The following PKD1L1 variants were observed in gnomAD, a reference collection of about 807,000 sequenced individuals.
The protein encoded by PKD1L1 is polycystin-1-like protein 1.
Under a neutral mutation model 323.4 loss-of-function variants are expected in PKD1L1, and 236 were observed. The ratio of observed to expected loss-of-function variants is 0.73; its 90% CI spans 0.66 to 0.81. The LOEUF (loss-of-function observed/expected upper bound fraction) is 0.81, where lower values mean the gene tolerates loss of function less well. Ranked by LOEUF, PKD1L1 falls within the 40% of genes least tolerant of loss-of-function variation. The pLI is 0.00. For synonymous variants in PKD1L1, 1,344 were observed against 1,335.0 expected, an observed-to-expected ratio of 1.01 and a Z score of -0.15; for missense variants, 3,320 against 3,508.0, an observed-to-expected ratio of 0.95 and a Z score of 1.35.
chr7:47,815,180 T>C (rs1784988753), intron 47 of PKD1L1, among the ~76,000 whole-genome samples, 154 bp downstream of exon 47: 1 of 152,208 alleles, frequency 6.6e-6, no homozygotes, highest in African/African-American at 2.4e-5. Flanking sequence ...AACAGGATGC[T>C]CTGCTGGGAC....
At chr7:47,790,376 C>T (rs1386956409) in intron 56 of PKD1L1, among the ~76,000 whole-genome samples, 1 of 150,562 alleles carries the variant, frequency 6.6e-6, no homozygotes, top group Non-Finnish European at 1.5e-5. Flanking sequence ...GTCACCCAGG[C>T]TGGAGGTGCA....
Position 47,881,925 on chromosome 7 carries a change from T to G in PKD1L1, c.3426A>C (p.Gln1142His). ...PKALLGRAVF[Q>H]GYSSSGITEQ... ...CATTCATACCTGAGGATGAATAGCC[T>G]TGGAAAACTGCTCGACCCAGCAGGG... The change falls in exon 20 of 57, where the codon CAA (glutamine) becomes CAC (histidine). Residue 1142 changes from glutamine to histidine, a missense_variant. Physicochemically the swap from Gln to His is conservative, Grantham distance 24. Coordinates refer to ENST00000289672, the MANE Select transcript of PKD1L1 (RefSeq NM_138295.5). The G allele has an allele frequency of 6.2e-7, 1 of 1,601,148 alleles. No individual in the cohort carries two copies. Among genetic ancestry groups the G allele is most frequent in the Non-Finnish European group, 8.5e-7 (1 of 1,176,006 alleles).
upstream of PKD1L1, among the ~76,000 whole-genome samples, chr7:47,948,956 GAAACA>G (rs1008458380): frequency 6.6e-6 from 1 of 151,942 alleles, no homozygotes; most frequent in Non-Finnish European, 1.5e-5. Flanking sequence ...AAAACAAAAT[GAAACA>G]AAACAAAACA....
At chr7:47,878,932 T>A (rs1236004586) in intron 21 of PKD1L1, among the ~76,000 whole-genome samples, 1 of 152,244 alleles carries the variant, frequency 6.6e-6, no homozygotes, top group East Asian at 1.9e-4. Flanking sequence ...GACTCTCATG[T>A]GTCTCCTGCA....
intron 44 of PKD1L1, among the ~76,000 whole-genome samples, chr7:47,829,050 G>C (rs1331651055): frequency 3.3e-5 from 5 of 152,188 alleles, no homozygotes; most frequent in African/African-American, 9.6e-5. Flanking sequence ...GGGAGGAAGG[G>C]ACAAAGGGAT....
chr7:47,790,686 G>T (rs192990910), intron 56 of PKD1L1, among the ~76,000 whole-genome samples: 4 of 152,166 alleles, frequency 2.6e-5, no homozygotes, highest in Admixed American at 2.6e-4. Flanking sequence ...GGGGTAGGAG[G>T]TATCTAGGTG....
intron 52 of PKD1L1, among the ~76,000 whole-genome samples, chr7:47,806,251 G>A (rs6968965): frequency 0.013 from 2,028 of 152,274 alleles, 42 homozygotes; most frequent in African/African-American, 0.046. Flanking sequence ...CATTCACTCT[G>A]CCCCCTATTC....
rs1429534686 is a variant in PKD1L1 at position 47,890,726 on chromosome 7, G to A, written c.2491C>T (p.His831Tyr). The A allele has an allele frequency of 4.3e-6, 7 of 1,613,056 alleles. No homozygotes were observed. The highest frequency in any genetic ancestry group is 1.7e-5 in the Admixed American group (1 of 60,026). The change falls in exon 16 of 57, where the codon CAT becomes TAT. Residue 831 changes from histidine (H) to tyrosine (Y), a missense_variant. Coordinates refer to ENST00000289672, the MANE Select transcript of PKD1L1 (RefSeq NM_138295.5). Reference sequence around the variant, plus strand: ...GCAGTGGAGGAGTCGAAGCAGGGATGTGCTGGGGAGCCAGCGGTGGCGCAT... The same window carrying A: ...GCAGTGGAGGAGTCGAAGCAGGGATATGCTGGGGAGCCAGCGGTGGCGCAT... ...WECATAGSPA[H>Y]PCFDSSTAHQ...
chr7:47,854,475 G>A (rs559050013), intron 30 of PKD1L1, among the ~76,000 whole-genome samples: 1 of 152,082 alleles, frequency 6.6e-6, no homozygotes, highest in East Asian at 1.9e-4. Context: ...ATTAACTGGG[G>A]CCTATACAAA....
chr7:47,852,846 G>A (rs1034241068), intron 31 of PKD1L1, among the ~76,000 whole-genome samples: 10 of 152,138 alleles, frequency 6.6e-5, no homozygotes, highest in Non-Finnish European at 1.0e-4. Context: ...CTGAGCACAA[G>A]CAGAGCCCTA....
At chr7:47,791,553 T>C (rs983415401) in intron 56 of PKD1L1, among the ~76,000 whole-genome samples, 3 of 152,176 alleles carry the variant, frequency 2.0e-5, no homozygotes, top group African/African-American at 7.2e-5. Flanking sequence ...TTCAAAGTTA[T>C]ACCCTTCATC....
rs763721583 is a variant in PKD1L1, at chr7:47,858,902, G to C, written c.4150-17C>G. On this transcript the variant is annotated splice_polypyrimidine_tract_variant and intron_variant, in intron 26 of 56. Transcript: ENST00000289672. ...AAAGCCTAGCTGCATGAACAGAAAAGATGTAAATAAAATGCCTGGCCTTGA... is the reference window on the plus strand; with the variant it reads ...AAAGCCTAGCTGCATGAACAGAAAACATGTAAATAAAATGCCTGGCCTTGA... 26 of 1,610,372 alleles carry C rather than the reference G, an allele frequency of 1.6e-5. No homozygotes were observed. Among genetic ancestry groups the C allele is most frequent in the African/African-American group, 2.7e-5 (2 of 74,598 alleles).
At chr7:47,920,280 AAAAC>A (rs1463360177) in intron 7 of PKD1L1, among the ~76,000 whole-genome samples, 2 of 130,744 alleles carry the variant, frequency 1.5e-5, no homozygotes, top group Non-Finnish European at 3.2e-5. Context: ...AAAAAAAACC[AAAAC>A]AAACAAACAA....
Position 47,929,295 on chromosome 7 carries a change from C to G in PKD1L1, c.969G>C (p.Met323Ile). ...CCCCAGAACTGTCCCCGAAATCCATCATCAGACAGAGAGCCTCTCCAGAAG... is the reference window on the plus strand; with the variant it reads ...CCCCAGAACTGTCCCCGAAATCCATGATCAGACAGAGAGCCTCTCCAGAAG... Reference protein sequence around the residue: ...HMASGEALCLMMDFGDSSGVE... With the variant: ...HMASGEALCLIMDFGDSSGVE... Residue 323 changes from methionine to isoleucine, a missense_variant, in exon 7 of 57, where the codon ATG (methionine) becomes ATC (isoleucine). By Grantham distance (10) the Met-to-Ile change is conservative. Transcript: ENST00000289672. 6.2e-7 allele frequency: 1 copy of G among 1,614,210 alleles called. No homozygotes were observed. The highest frequency in any genetic ancestry group is 8.5e-7 in the Non-Finnish European group (1 of 1,180,040).
intron 37 of PKD1L1, 79 bp from the exon 38 acceptor site, chr7:47,835,322 T>C: frequency 1.2e-6 from 1 of 846,386 alleles, no homozygotes; most frequent in Admixed American, 3.0e-5. Flanking sequence ...TAATTACAAA[T>C]ACATGTAATG....
intron 16 of PKD1L1, among the ~76,000 whole-genome samples, 188 bp from the exon 17 acceptor site, chr7:47,888,338 C>A (rs985781609): frequency 6.6e-6 from 1 of 152,246 alleles, no homozygotes. Flanking sequence ...TCGACACTCA[C>A]GTGATCTGCT....
intron 22 of PKD1L1, 63 bp from the exon 23 acceptor site, chr7:47,876,280 T>C (rs1277082057): frequency 3.2e-6 from 5 of 1,544,142 alleles, no homozygotes; most frequent in East Asian, 4.5e-5. Flanking sequence ...GATATCACAA[T>C]ACATACACAC....
upstream of PKD1L1, among the ~76,000 whole-genome samples, chr7:47,950,465 T>C (rs1290850691): frequency 6.6e-6 from 1 of 151,818 alleles, no homozygotes; most frequent in Non-Finnish European, 1.5e-5. Flanking sequence ...GCCACTCTCA[T>C]AGCCACTCTC....
Position 47,839,606 on chromosome 7 carries a change from C to T in PKD1L1, c.5609G>A (p.Gly1870Glu), listed in dbSNP as rs1284732759. 2.5e-6 allele frequency: 4 copies of T among 1,593,596 alleles called. No individual in the cohort carries two copies. The highest frequency in any genetic ancestry group is 1.1e-5 in the South Asian group (1 of 87,466). Residue 1870 changes from glycine (G) to glutamate (E), a missense_variant, in exon 36 of 57, where the codon GGG becomes GAG. Gly to Glu is a moderately conservative substitution (Grantham distance 98, BLOSUM62 -2). Coordinates refer to ENST00000289672, the MANE Select transcript of PKD1L1 (RefSeq NM_138295.5). This position sits in a 1 kb window ranked among gnomAD's most constrained non-coding sequence, Gnocchi z 4.3. ...GCTGATGAACCAGCCTGGGGAAGGC[C>T]CACGGCTGTCGTGCCAGAGGCGGAT... ...RKIRLWHDSR[G>E]PSPGWFISHV...
Sources: allele counts gnomAD v4.1 joint callset (sites outside exome capture counted in the v4.1 genomes callset), GRCh38; gene constraint gnomAD v4.1.1; non-coding constraint Gnocchi (gnomAD v3.1); transcripts MANE v1.5; gene names NCBI Gene and HGNC (gene_info 2026-07-23, HGNC 2026-07-21).